Variants in RSRC1 observed in about 807,000 individuals in gnomAD.
RSRC1 encodes the protein arginine and serine rich coiled-coil 1.
Under a neutral mutation model 49.1 loss-of-function variants are expected in RSRC1, and 39 were observed. That is an observed-to-expected ratio of 0.79 (90% confidence interval 0.61 to 1.04). The LOEUF (loss-of-function observed/expected upper bound fraction) is 1.04. Among genes scored for constraint, RSRC1 ranks in the 50% least tolerant of loss-of-function variants. The pLI is 0.00. For synonymous variants in RSRC1, 143 were observed against 130.8 expected (o/e 1.09, Z -0.63); for missense variants, 388 against 402.4 (o/e 0.96, Z 0.31).
At chr3:158,174,359 T>G (rs1235906286) in intron 3 of RSRC1, among the ~76,000 whole-genome samples, 1 of 151,962 alleles carries the variant, frequency 6.6e-6, no homozygotes, top group African/African-American at 2.4e-5. Flanking sequence ...TATTTAAAAC[T>G]TTTTATTCAA....
chr3:158,537,908 A>C (rs1712807617), intron 8 of RSRC1, among the ~76,000 whole-genome samples: 2 of 151,812 alleles, frequency 1.3e-5, no homozygotes, highest in South Asian at 4.1e-4. Context: ...TCTGTTATCA[A>C]ATAAGTAGTT....
In RSRC1 at chr3:158,248,003, A is replaced by T. The variant is rs538774565; in HGVS notation, c.494+44758A>T. Among the ~76,000 whole-genome samples the T allele has an allele frequency of 7.2e-5, 11 of 152,334 alleles. No individual in the cohort carries two copies. The East Asian group carries it at 2.1e-3, about 29-fold the overall frequency. The stretch of plus-strand genomic sequence containing the variant: ...AATAAGACCACACACCTACCACCCA[A>T]TGCGACTATCTGGATATTTCAGTTG... On this transcript the variant is annotated intron_variant, in intron 4 of 9. Transcript: ENST00000611884.
At chr3:158,457,740 GTTTTTTTTT>G (rs762873924) in intron 6 of RSRC1, among the ~76,000 whole-genome samples, 2 of 78,780 alleles carry the variant, frequency 2.5e-5, no homozygotes, top group Admixed American at 1.3e-4. Context: ...GTTTTTTTTT[GTTTTTTTTT>G]TTTGTTTGTT....
chr3:158,540,239 T>A (rs1206471945), intron 8 of RSRC1, among the ~76,000 whole-genome samples: 1 of 152,140 alleles, frequency 6.6e-6, no homozygotes, highest in East Asian at 1.9e-4. Flanking sequence ...ATACAAATGT[T>A]TGAGACTTGG....
intron 5 of RSRC1, among the ~76,000 whole-genome samples, chr3:158,345,193 C>G (rs1260890649): frequency 1.3e-5 from 2 of 151,494 alleles, no homozygotes; most frequent in Non-Finnish European, 2.9e-5. Flanking sequence ...TGCCGCTGCA[C>G]TCCAGTGTGG....
intron 7 of RSRC1, among the ~76,000 whole-genome samples, chr3:158,517,755 A>ATTTTT (rs766129663): frequency 0.013 from 449 of 34,946 alleles, 46 homozygotes; most frequent in Non-Finnish European, 0.022. Context: ...CACCCAGCTA[A>ATTTTT]TTTTTTTTTT....
chr3:158,256,015 A>AGTT (rs1423897771), intron 4 of RSRC1, among the ~76,000 whole-genome samples: 2 of 152,192 alleles, frequency 1.3e-5, no homozygotes, highest in Non-Finnish European at 2.9e-5. Context: ...GAACAGGGAC[A>AGTT]GTTTGACTTC....
At chr3:158,479,043 TTG>T (rs1164161753) in intron 7 of RSRC1, among the ~76,000 whole-genome samples, 1 of 150,796 alleles carries the variant, frequency 6.6e-6, no homozygotes, top group Non-Finnish European at 1.5e-5. Flanking sequence ...GGATTAATTT[TTG>T]TATGTGTATT....
intron 3 of RSRC1, among the ~76,000 whole-genome samples, chr3:158,132,993 C>T (rs553422106): frequency 6.6e-6 from 1 of 151,950 alleles, no homozygotes; most frequent in African/African-American, 2.4e-5. Flanking sequence ...CTGGAATAAA[C>T]GGATATCTGG....
At chr3:158,322,278 T>A (rs1427431354) in intron 5 of RSRC1, among the ~76,000 whole-genome samples, 3 of 152,220 alleles carry the variant, frequency 2.0e-5, no homozygotes, top group African/African-American at 4.8e-5. Flanking sequence ...CATTAAATTT[T>A]GGTAGAGATG....
intron 3 of RSRC1, among the ~76,000 whole-genome samples, chr3:158,202,593 A>G (rs1483903253): frequency 3.6e-5 from 2 of 56,126 alleles, no homozygotes; most frequent in Non-Finnish European, 6.9e-5. Context: ...TTTTATCAAT[A>G]TTGTAACCAG....
intron 6 of RSRC1, among the ~76,000 whole-genome samples, chr3:158,403,344 A>G (rs1409889476): frequency 2.0e-5 from 3 of 151,868 alleles, no homozygotes; most frequent in African/African-American, 7.2e-5. Flanking sequence ...CTTTGCATTC[A>G]GTGTCTTACT....
At chr3:158,227,581 C>T (rs1002038614) in intron 4 of RSRC1, among the ~76,000 whole-genome samples, 1 of 152,014 alleles carries the variant, frequency 6.6e-6, no homozygotes, top group African/African-American at 2.4e-5. Flanking sequence ...TACACTGATA[C>T]TCTTTTACTG....
chr3:158,221,392 A>G (rs1481752697), intron 4 of RSRC1, among the ~76,000 whole-genome samples: 1 of 151,326 alleles, frequency 6.6e-6, no homozygotes, highest in Non-Finnish European at 1.5e-5. Context: ...CATCCATTAG[A>G]TTCTGCATTA....
intron 4 of RSRC1, among the ~76,000 whole-genome samples, chr3:158,207,527 G>T (rs1721409458): frequency 6.6e-6 from 1 of 152,102 alleles, no homozygotes; most frequent in South Asian, 2.1e-4. Context: ...TAGGACTTAT[G>T]TATTAGTTCA....
At chr3:158,202,102 C>T (rs1198940745) in intron 3 of RSRC1, among the ~76,000 whole-genome samples, 2 of 152,104 alleles carry the variant, frequency 1.3e-5, no homozygotes, top group African/African-American at 2.4e-5. Context: ...GCAACCTCCA[C>T]CTCCGAGGTT....
chr3:158,189,101 T>C (rs1386755752), intron 3 of RSRC1, among the ~76,000 whole-genome samples: 1 of 151,892 alleles, frequency 6.6e-6, no homozygotes, highest in Non-Finnish European at 1.5e-5. Flanking sequence ...ATATATTACT[T>C]AATTTCCAAA....
At chr3:158,290,465 T>C (rs566432162) in intron 4 of RSRC1, among the ~76,000 whole-genome samples, 18 of 152,126 alleles carry the variant, frequency 1.2e-4, no homozygotes, top group South Asian at 6.2e-4. Context: ...TTAGTAGAGA[T>C]GGGGTTTCAT....
At chr3:158,329,451 T>G (rs1449953047) in intron 5 of RSRC1, among the ~76,000 whole-genome samples, 1 of 152,240 alleles carries the variant, frequency 6.6e-6, no homozygotes, top group Non-Finnish European at 1.5e-5. Context: ...GTTTTTCTTC[T>G]AACAGTCAGG....
Sources: allele counts gnomAD v4.1 joint callset (sites outside exome capture counted in the v4.1 genomes callset), GRCh38; gene constraint gnomAD v4.1.1; transcripts MANE v1.5; gene names NCBI Gene and HGNC (gene_info 2026-07-23, HGNC 2026-07-21).